DPYD: variants seen among roughly 807,000 people sequenced by gnomAD.
DPYD encodes dihydropyrimidine dehydrogenase [NADP(+)].
A neutral mutation model predicts 116.2 loss-of-function variants in DPYD; 109 were observed. The observed-to-expected ratio is 0.94, with a 90% confidence interval of 0.80 to 1.10. The LOEUF (loss-of-function observed/expected upper bound fraction) is 1.10, where lower values mean the gene tolerates loss of function less well. Ranked by LOEUF, DPYD falls within the 50% of genes least tolerant of loss-of-function variation. The pLI, the probability that DPYD is intolerant of heterozygous loss-of-function variation, is 0.00. For missense variants in DPYD, 1,302 were observed against 1,254.5 expected, an observed-to-expected ratio of 1.04 and a Z score of -0.57; for synonymous variants, 440 against 432.0, an observed-to-expected ratio of 1.02 and a Z score of -0.23.
intron 18 of DPYD, among the ~76,000 whole-genome samples, chr1:97,236,319 T>G (rs192620297): frequency 6.6e-6 from 1 of 152,188 alleles, no homozygotes; most frequent in Non-Finnish European, 1.5e-5. Flanking sequence ...AATATCAATA[T>G]GTATTTACTG....
At chr1:97,607,700 A>G (rs1054025723) in intron 8 of DPYD, among the ~76,000 whole-genome samples, 1 of 151,906 alleles carries the variant, frequency 6.6e-6, no homozygotes, top group Non-Finnish European at 1.5e-5. Context: ...AGGGGTAGGA[A>G]AAAGCGGCAT....
intron 20 of DPYD, among the ~76,000 whole-genome samples, chr1:97,179,111 C>G (rs771338783): frequency 1.3e-5 from 2 of 152,036 alleles, no homozygotes; most frequent in Non-Finnish European, 2.9e-5. Context: ...CCAGAGGGGA[C>G]AAAGAATAGA....
At chr1:97,226,749 C>T (rs890448579) in intron 19 of DPYD, among the ~76,000 whole-genome samples, 1 of 151,596 alleles carries the variant, frequency 6.6e-6, no homozygotes, top group African/African-American at 2.4e-5. Context: ...GATAAGATAC[C>T]CTATGTTCAA....
intron 18 of DPYD, among the ~76,000 whole-genome samples, chr1:97,242,093 T>C (rs1309242594): frequency 2.8e-5 from 4 of 141,742 alleles, no homozygotes; most frequent in African/African-American, 1.0e-4. Flanking sequence ...ATTAGATTTT[T>C]AAGTGTAATT....
intron 2 of DPYD, among the ~76,000 whole-genome samples, chr1:97,880,578 G>A (rs187528405): frequency 1.1e-4 from 16 of 151,626 alleles, no homozygotes; most frequent in Non-Finnish European, 1.5e-4. Flanking sequence ...CAAACTAACA[G>A]ACATCAGTGC....
rs80067284 is a variant in DPYD at position 97,457,930 on chromosome 1, G to T, written c.1741-7707C>A. 2.4e-3 allele frequency among the ~76,000 whole-genome samples: 366 copies of T among 152,262 alleles called. 6 individuals are homozygous for T. The highest frequency in any genetic ancestry group is 8.3e-3 in the African/African-American group (343 of 41,574). On this transcript the variant is annotated intron_variant, in intron 13 of 22. Transcript: ENST00000370192. ...ACAGATGAAGGGCTTTTTTAGTGCTGATATCAGATGGATTAGAACGTGATT... is the reference window on the plus strand; with the variant it reads ...ACAGATGAAGGGCTTTTTTAGTGCTTATATCAGATGGATTAGAACGTGATT...
At position 97,362,678 on chromosome 1, in the gene DPYD, A is replaced by C. The variant is rs527754029; in HGVS notation, c.2058+10883T>G. Among the ~76,000 whole-genome samples, 428 of 152,298 alleles carry C rather than the reference A, an allele frequency of 2.8e-3. 1 individual carries two copies. The highest frequency in any genetic ancestry group is 9.8e-3 in the African/African-American group (407 of 41,556). ...TCTACAACCATCTGATCTTTGACAA[A>C]CCTGACGAAAACAAGAAATGGGGAA... On this transcript the variant is annotated intron_variant, in intron 16 of 22. Transcript: ENST00000370192.
intron 20 of DPYD, among the ~76,000 whole-genome samples, chr1:97,190,321 T>C (rs1474137011): frequency 6.6e-6 from 1 of 152,186 alleles, no homozygotes; most frequent in African/African-American, 2.4e-5. Context: ...TCTCTCACTG[T>C]TCTATTGCTA....
chr1:97,898,049 A>T (rs1018336621), intron 1 of DPYD, among the ~76,000 whole-genome samples: 2 of 151,744 alleles, frequency 1.3e-5, no homozygotes. Context: ...GTGAGGAGGG[A>T]ATCAAGCAGC....
At chr1:97,283,493 T>G (rs1428365726) in intron 18 of DPYD, among the ~76,000 whole-genome samples, 1 of 152,166 alleles carries the variant, frequency 6.6e-6, no homozygotes, top group Non-Finnish European at 1.5e-5. Flanking sequence ...TTAAAGTAAT[T>G]TTATGTGTCT....
chr1:97,338,331 C>G (rs1353369902), intron 16 of DPYD, among the ~76,000 whole-genome samples: 1 of 152,050 alleles, frequency 6.6e-6, no homozygotes, highest in Non-Finnish European at 1.5e-5. Context: ...CTTAAATAAG[C>G]CAAGTAGTAC....
In DPYD at chr1:97,152,756, G is replaced by A. The variant is rs953083791; in HGVS notation, c.2622+40313C>T. ...TCATCATCAATGTTTTCATCAAGTT[G>A]TCACTCTCTCAGGTATAGCATACCT... On this transcript the variant is annotated intron_variant, in intron 20 of 22. Coordinates refer to ENST00000370192, the MANE Select transcript of DPYD (RefSeq NM_000110.4). Among the ~76,000 whole-genome samples the A allele has an allele frequency of 3.3e-5, 5 of 151,520 alleles. 1 individual carries two copies. In the South Asian group the frequency reaches 6.3e-4, roughly 19 times the overall value.
At chr1:97,209,670 T>C (rs751165718) in intron 19 of DPYD, among the ~76,000 whole-genome samples, 1 of 152,130 alleles carries the variant, frequency 6.6e-6, no homozygotes, top group African/African-American at 2.4e-5. Context: ...GATGTACTGA[T>C]TGATTTAGGA....
intron 19 of DPYD, 68 bp downstream of exon 19, chr1:97,234,783 TG>T: frequency 6.3e-7 from 1 of 1,592,010 alleles, no homozygotes; most frequent in Non-Finnish European, 8.6e-7. Flanking sequence ...ATTTTTTTTT[TG>T]TCACATAACT....
intron 14 of DPYD, among the ~76,000 whole-genome samples, chr1:97,414,719 A>C (rs749340426): frequency 1.3e-5 from 2 of 152,204 alleles, no homozygotes; most frequent in African/African-American, 4.8e-5. Flanking sequence ...TAGCTAGAAA[A>C]TGTCTTAGTT....
intron 22 of DPYD, among the ~76,000 whole-genome samples, chr1:97,079,476 G>C (rs1649005397): frequency 6.6e-6 from 1 of 151,984 alleles, no homozygotes; most frequent in Non-Finnish European, 1.5e-5. Context: ...ACCAGGATGG[G>C]GCGTCTTCTA....
intron 5 of DPYD, among the ~76,000 whole-genome samples, chr1:97,706,186 C>A (rs114469519): frequency 0.028 from 4,194 of 151,836 alleles, 74 homozygotes; most frequent in African/African-American, 0.052. Flanking sequence ...ATTCTAGCCA[C>A]TCTACTAACA....
At chr1:97,521,982 C>A (rs1262343281) in intron 12 of DPYD, among the ~76,000 whole-genome samples, 1 of 152,146 alleles carries the variant, frequency 6.6e-6, no homozygotes, top group African/African-American at 2.4e-5. Context: ...TCAAATACCT[C>A]AGGACATAGG....
At chr1:97,335,614 A>G (rs916240210) in intron 16 of DPYD, among the ~76,000 whole-genome samples, 1 of 152,176 alleles carries the variant, frequency 6.6e-6, no homozygotes, top group Non-Finnish European at 1.5e-5. Flanking sequence ...TAAAGATGTC[A>G]AAACTCAAAG....
Sources: gnomAD v4.1 joint callset for allele counts (sites outside exome capture counted in the v4.1 genomes callset) on GRCh38, gnomAD v4.1.1 for gene constraint, MANE v1.5 for transcripts, NCBI Gene and HGNC (gene_info 2026-07-23, HGNC 2026-07-21) for gene names.